The following LRRC8D variants were observed in gnomAD, a reference collection of about 807,000 sequenced individuals.
The protein encoded by LRRC8D is leucine rich repeat containing 8 VRAC subunit D.
A neutral mutation model predicts 55.8 loss-of-function variants in LRRC8D; 20 were observed. The observed-to-expected ratio is 0.36, with a 90% CI of 0.25 to 0.52. The LOEUF is 0.52. Among genes scored for constraint, LRRC8D ranks in the 20% least tolerant of loss-of-function variants. LRRC8D has a pLI of 0.93. For synonymous variants in LRRC8D, 352 were observed against 377.0 expected (o/e 0.93, Z 0.77); for missense variants, 651 against 1,030.8 (o/e 0.63, Z 5.05).
chr1:89,915,602 G>A (rs1457405916), intron 2 of LRRC8D, among the ~76,000 whole-genome samples: 1 of 152,086 alleles, frequency 6.6e-6, no homozygotes, highest in African/African-American at 2.4e-5. Context: ...TCACTCCTTT[G>A]GGCAGGGCTG....
intron 2 of LRRC8D, among the ~76,000 whole-genome samples, chr1:89,884,897 C>T (rs900127053): frequency 1.3e-5 from 2 of 152,128 alleles, no homozygotes; most frequent in African/African-American, 2.4e-5. Flanking sequence ...CTACATTTCT[C>T]CTTTTAAGAT....
chr1:89,898,187 T>C (rs2100901403), intron 2 of LRRC8D, among the ~76,000 whole-genome samples: 1 of 152,346 alleles, frequency 6.6e-6, no homozygotes, highest in South Asian at 2.1e-4. Context: ...GCAGTTATTG[T>C]ACCAGAGTTA....
At chr1:89,827,160 G>A (rs1660783631) in intron 1 of LRRC8D, among the ~76,000 whole-genome samples, 2 of 152,128 alleles carry the variant, frequency 1.3e-5, no homozygotes, top group Admixed American at 1.3e-4. Flanking sequence ...AGACCAGCCT[G>A]GCCAACCTGG....
At position 89,840,681 on chromosome 1, in the gene LRRC8D, C is replaced by T. The variant is rs116479465; in HGVS notation, c.-147-2957C>T. On this transcript the variant is annotated intron_variant, in intron 1 of 2. Coordinates refer to ENST00000337338, the MANE Select transcript of LRRC8D (RefSeq NM_001134479.2). Reference sequence around the variant, plus strand: ...ATTATCACTCAGTACAGTACTTGGACAAAATAGGAATAGTCTACTGTTAAC... The same window carrying T: ...ATTATCACTCAGTACAGTACTTGGATAAAATAGGAATAGTCTACTGTTAAC... Among the ~76,000 whole-genome samples the T allele has an allele frequency of 1.0e-2, 1,516 of 152,262 alleles. 16 individuals carry two copies. Among genetic ancestry groups the T allele is most frequent in the African/African-American group, 0.035 (1,464 of 41,530 alleles).
At chr1:89,879,505 A>G (rs1422288274) in intron 2 of LRRC8D, among the ~76,000 whole-genome samples, 1 of 152,156 alleles carries the variant, frequency 6.6e-6, no homozygotes, top group East Asian at 1.9e-4. Flanking sequence ...ATGGTTTTTT[A>G]TGTTGGGATA....
chr1:89,898,127 A>G (rs1662760993), intron 2 of LRRC8D, among the ~76,000 whole-genome samples: 1 of 152,224 alleles, frequency 6.6e-6, no homozygotes, highest in Non-Finnish European at 1.5e-5. Context: ...TTGGGTTCCT[A>G]AAACTTTTAA....
chr1:89,895,011 C>T (rs1434560315), intron 2 of LRRC8D, among the ~76,000 whole-genome samples: 6 of 152,084 alleles, frequency 3.9e-5, no homozygotes, highest in Non-Finnish European at 7.4e-5. Context: ...CCCACCCCAC[C>T]CACTGATCAC....
Position 89,935,648 on chromosome 1 carries a change from T to C in LRRC8D, c.*3T>C, listed in dbSNP as rs370581645. 249 of 1,612,124 alleles carry C rather than the reference T, an allele frequency of 1.5e-4. 1 individual carries two copies. In the African/African-American group the frequency reaches 2.9e-3, roughly 19 times the overall value. ...TTCCCTTTGCAAATGGGATTTAAACTAAGATAATATATGCACAGTGATGTG... is the reference window on the plus strand; with the variant it reads ...TTCCCTTTGCAAATGGGATTTAAACCAAGATAATATATGCACAGTGATGTG... On this transcript the variant is annotated 3_prime_UTR_variant, in exon 3 of 3. Transcript: ENST00000337338.
chr1:89,932,922 A>C (rs968130927), intron 2 of LRRC8D, 145 bp from the exon 3 acceptor site: 1 of 650,014 alleles, frequency 1.5e-6, no homozygotes, highest in African/African-American at 1.8e-5. Context: ...TTCCCCTTTT[A>C]GTTTATTTTC....
At chr1:89,898,431 A>T (rs1662769409) in intron 2 of LRRC8D, among the ~76,000 whole-genome samples, 1 of 152,222 alleles carries the variant, frequency 6.6e-6, no homozygotes, top group African/African-American at 2.4e-5. Context: ...CTACGAAGGA[A>T]ATACTCTCAC....
At chr1:89,929,969 ATC>A (rs1663662336) in intron 2 of LRRC8D, 1 of 152,210 alleles carries the variant, frequency 6.6e-6, no homozygotes, top group African/African-American at 2.4e-5. Context: ...CATGAATCCT[ATC>A]ATGAACTGCT....
chr1:89,901,352 C>A (rs944125300), intron 2 of LRRC8D, among the ~76,000 whole-genome samples: 1 of 152,216 alleles, frequency 6.6e-6, no homozygotes. Context: ...TTGGGTAAAT[C>A]ATCAGTGGGC....
At chr1:89,915,480 A>G (rs374342140) in intron 2 of LRRC8D, among the ~76,000 whole-genome samples, 1 of 152,252 alleles carries the variant, frequency 6.6e-6, no homozygotes, top group African/African-American at 2.4e-5. Flanking sequence ...TCGTAGATAG[A>G]TAAATTCTAT....
intron 2 of LRRC8D, chr1:89,846,456 G>A (rs1171752951): frequency 6.6e-6 from 1 of 152,140 alleles, no homozygotes; most frequent in Non-Finnish European, 1.5e-5. Flanking sequence ...GGTCGTATTA[G>A]TAAATGGAGT....
chr1:89,870,922 G>T (rs986815107), intron 2 of LRRC8D, among the ~76,000 whole-genome samples: 1 of 152,014 alleles, frequency 6.6e-6, no homozygotes, highest in East Asian at 1.9e-4. Context: ...TTTAAATTTG[G>T]GTAATTTCTG....
At chr1:89,914,704 T>G (rs1663216578) in intron 2 of LRRC8D, among the ~76,000 whole-genome samples, 2 of 152,072 alleles carry the variant, frequency 1.3e-5, no homozygotes, top group Non-Finnish European at 1.5e-5. Context: ...TCACAGTTTT[T>G]TTTTTTTTTT....
At chr1:89,873,586 A>T (rs1662075689) in intron 2 of LRRC8D, among the ~76,000 whole-genome samples, 1 of 152,218 alleles carries the variant, frequency 6.6e-6, no homozygotes, top group African/African-American at 2.4e-5. Flanking sequence ...ACATTAGAAG[A>T]GGGGTGTTAT....
Position 89,934,886 on chromosome 1 carries a change from T to A in LRRC8D, c.1818T>A (p.Ile606=). The A allele has an allele frequency of 6.2e-7, 1 of 1,614,116 alleles. No homozygotes were observed. The highest frequency in any genetic ancestry group is 8.5e-7 in the Non-Finnish European group (1 of 1,180,016). ...KSNLTKVPSN[I]TDVAPHLTKL... The stretch of plus-strand genomic sequence containing the variant: ...ATTTGACCAAAGTTCCCTCCAACAT[T>A]ACAGATGTGGCTCCACATCTTACAA... Residue 606 remains isoleucine, a synonymous_variant, in exon 3 of 3, where the codon ATT becomes ATA. Transcript: ENST00000337338. The surrounding 1 kb of genome is among the most constrained non-coding windows in gnomAD (Gnocchi z 5.9).
chr1:89,935,712 G>A lies in LRRC8D; in HGVS notation c.*67G>A. 3 of 1,412,010 alleles carry A rather than the reference G, an allele frequency of 2.1e-6. No homozygotes were observed. The highest frequency in any genetic ancestry group is 1.3e-5 in the South Asian group (1 of 78,210). The allele number at this position is 1,412,010 out of a possible 1,614,324, so 87.5% of individuals were successfully genotyped here. ...CTAGATTGCAAGTGCTCACGTACAA[G>A]TTATTACAAGATAATGCATTTTAGG... On this transcript the variant is annotated 3_prime_UTR_variant, in exon 3 of 3. Transcript: ENST00000337338.
Sources: gnomAD v4.1 joint callset for allele counts (sites outside exome capture counted in the v4.1 genomes callset) on GRCh38, gnomAD v4.1.1 for gene constraint, Gnocchi (gnomAD v3.1) non-coding constraint, MANE v1.5 for transcripts, NCBI Gene and HGNC (gene_info 2026-07-23, HGNC 2026-07-21) for gene names.